Variants in FAM3B observed in about 807,000 individuals in gnomAD.
The protein encoded by FAM3B is FAM3 metabolism regulating signaling molecule B.
FAM3B carries 29 observed loss-of-function variants against 28.4 expected under a neutral mutation model. That is an observed-to-expected ratio of 1.02 (90% CI 0.76 to 1.39). FAM3B has a LOEUF of 1.39. Among genes scored for constraint, FAM3B ranks in the 40% most tolerant of loss-of-function variants. The probability of loss-of-function intolerance (pLI) is 0.00; values close to 1 mark genes in which losing one functional copy is unlikely to be tolerated. For synonymous variants in FAM3B, 91 were observed against 103.0 expected, an observed-to-expected ratio of 0.88 and a Z score of 0.71; for missense variants, 266 against 293.9, an observed-to-expected ratio of 0.91 and a Z score of 0.69.
chr21:41,352,607 A>T (rs1034968294), intron 7 of FAM3B, among the ~76,000 whole-genome samples: 1 of 152,136 alleles, frequency 6.6e-6, no homozygotes, highest in African/African-American at 2.4e-5. Context: ...AGCCTGGCCA[A>T]CATGGTGAAA....
At chr21:41,347,142 C>T (rs754095511) in intron 6 of FAM3B, 42 bp downstream of exon 6, 5 of 1,569,090 alleles carry the variant, frequency 3.2e-6, no homozygotes, top group Non-Finnish European at 4.4e-6. Context: ...GCAAGAGAAG[C>T]CAGCTGGGGC....
chr21:41,357,158 G>A lies in FAM3B; in HGVS notation c.669G>A (p.Glu223=), dbSNP rs778224220. Residue 223 remains glutamate (E), a synonymous_variant, in exon 8 of 8, where the codon GAG becomes GAA. Coordinates refer to ENST00000357985, the MANE Select transcript of FAM3B (RefSeq NM_058186.4). Reference sequence around the variant, plus strand: ...ACAGATATTCTGGCTGGCCTGCAGAGATCCAGATAGAAGGCTGCATACCCA... The same window carrying A: ...ACAGATATTCTGGCTGGCCTGCAGAAATCCAGATAGAAGGCTGCATACCCA... ...KNNRYSGWPA[E]IQIEGCIPKE... The A allele has an allele frequency of 1.2e-6, 2 of 1,613,760 alleles. No individual in the cohort carries two copies. The highest frequency in any genetic ancestry group is 1.7e-5 in the Admixed American group (1 of 59,944).
At chr21:41,337,829 CAT>C (rs1249001125) in intron 2 of FAM3B, among the ~76,000 whole-genome samples, 4 of 150,872 alleles carry the variant, frequency 2.7e-5, no homozygotes, top group Non-Finnish European at 4.4e-5. Context: ...TGTGATACAT[CAT>C]GTGGTGTGTG....
At chr21:41,317,185 G>A (rs1568910432) in intron 1 of FAM3B, among the ~76,000 whole-genome samples, 1 of 152,156 alleles carries the variant, frequency 6.6e-6, no homozygotes, top group South Asian at 2.1e-4. Flanking sequence ...GGAGGAACCT[G>A]GAATGTAACA....
chr21:41,334,087 C>A (rs1246700864), intron 2 of FAM3B, among the ~76,000 whole-genome samples: 1 of 152,174 alleles, frequency 6.6e-6, no homozygotes, highest in Non-Finnish European at 1.5e-5. Context: ...CTGGCTGCTT[C>A]TAATAACCTG....
intron 3 of FAM3B, among the ~76,000 whole-genome samples, chr21:41,341,719 T>C (rs1203597278): frequency 6.6e-6 from 1 of 152,258 alleles, no homozygotes; most frequent in African/African-American, 2.4e-5. Context: ...GTTACAGTTA[T>C]CCATTCTATT....
At chr21:41,316,686 T>C, upstream of FAM3B, 1 of 423,762 alleles carries the variant, frequency 2.4e-6, no homozygotes, top group Non-Finnish European at 4.0e-6. Context: ...CCCGCGCACC[T>C]GCCCCGCCCA....
upstream of FAM3B, among the ~76,000 whole-genome samples, chr21:41,314,292 T>C (rs2088732128): frequency 1.3e-5 from 2 of 152,224 alleles, no homozygotes; most frequent in African/African-American, 4.8e-5. Context: ...CCTTAGACTT[T>C]CCAGACTCCA....
At position 41,336,969 on chromosome 21, in the gene FAM3B, C is replaced by G. The variant is rs574066049; in HGVS notation, c.164-1409C>G. 8.1e-4 allele frequency among the ~76,000 whole-genome samples: 124 copies of G among 152,278 alleles called. 3 individuals carry two copies. In the South Asian group the frequency reaches 0.025, roughly 31 times the overall value. Reference sequence around the variant, plus strand: ...CTTTCAACCTATACATTTTTTAAATCTGTCGAGCTCATCTGTGTCTTTTGA... The same window carrying G: ...CTTTCAACCTATACATTTTTTAAATGTGTCGAGCTCATCTGTGTCTTTTGA... On this transcript the variant is annotated intron_variant, in intron 2 of 7. Coordinates refer to ENST00000357985, the MANE Select transcript of FAM3B (RefSeq NM_058186.4).
intron 3 of FAM3B, among the ~76,000 whole-genome samples, chr21:41,338,984 A>G (rs1208232695): frequency 6.6e-6 from 1 of 152,236 alleles, no homozygotes. Context: ...AAAGTCCTTC[A>G]AAGTCATGGG....
intron 7 of FAM3B, among the ~76,000 whole-genome samples, chr21:41,353,453 G>A (rs7278220): frequency 0.4 from 60,801 of 152,124 alleles, 17,239 homozygotes; most frequent in African/African-American, 0.8. Context: ...GCATAAAGAT[G>A]GGCATACAGA....
intron 1 of FAM3B, among the ~76,000 whole-genome samples, chr21:41,317,663 T>A (rs1010198332): frequency 6.6e-6 from 1 of 152,096 alleles, no homozygotes; most frequent in Non-Finnish European, 1.5e-5. Flanking sequence ...AAATGGCAGG[T>A]TCAGAAGTGG....
chr21:41,329,382 C>A (rs76716490), intron 2 of FAM3B, among the ~76,000 whole-genome samples: 1 of 152,132 alleles, frequency 6.6e-6, no homozygotes, highest in Non-Finnish European at 1.5e-5. Flanking sequence ...CTTTGTCCAG[C>A]ATCTCTGTGC....
chr21:41,336,973 C>T (rs956285349), intron 2 of FAM3B, among the ~76,000 whole-genome samples: 4 of 152,192 alleles, frequency 2.6e-5, no homozygotes, highest in African/African-American at 7.2e-5. Flanking sequence ...TTAAATCTGT[C>T]GAGCTCATCT....
In FAM3B at chr21:41,323,076, G is replaced by A. The variant is rs144493544; in HGVS notation, c.163+10G>A. ...AGGCCTGTCCTCAAAGGTGAGTGCC[G>A]TGCTTGGGGCAGACGGCTGCCTTCA... On this transcript the variant is annotated intron_variant, in intron 2 of 7. Transcript: ENST00000357985. 651 of 1,601,876 alleles carry A rather than the reference G, an allele frequency of 4.1e-4. 3 individuals carry two copies. The African/African-American group carries it at 7.3e-3, about 18-fold the overall frequency.
chr21:41,315,803 G>T (rs2088744342), upstream of FAM3B, among the ~76,000 whole-genome samples: 1 of 152,174 alleles, frequency 6.6e-6, no homozygotes, highest in African/African-American at 2.4e-5. Flanking sequence ...AAAGACAATG[G>T]TGGAGGGAGA....
Position 41,316,832 on chromosome 21 carries a change from T to C in FAM3B, c.-48T>C. 1 of 1,428,992 alleles carries C rather than the reference T, an allele frequency of 7.0e-7. No individual in the cohort carries two copies. The highest frequency in any genetic ancestry group is 9.1e-7 in the Non-Finnish European group (1 of 1,094,488). 88.5% of individuals were successfully genotyped at this position (1,428,992 alleles called of 1,614,324 possible). On this transcript the variant is annotated 5_prime_UTR_variant, in exon 1 of 8. Coordinates refer to ENST00000357985, the MANE Select transcript of FAM3B (RefSeq NM_058186.4). ...GACCCAGGGGCTCCGCTGGCTGCGG[T>C]CGCCTGGGAGCTGCCGCCAGGGCCA...
intron 7 of FAM3B, among the ~76,000 whole-genome samples, chr21:41,355,208 C>G (rs1045452745): frequency 3.9e-5 from 6 of 152,192 alleles, no homozygotes; most frequent in African/African-American, 1.4e-4. Context: ...TTAGAACCCT[C>G]ATGCACTAGT....
intron 2 of FAM3B, among the ~76,000 whole-genome samples, chr21:41,335,136 G>A (rs1010483249): frequency 6.6e-6 from 1 of 152,164 alleles, no homozygotes; most frequent in African/African-American, 2.4e-5. Context: ...GATTTTACAG[G>A]CTTGTAGGTG....
Sources: allele counts gnomAD v4.1 joint callset (sites outside exome capture counted in the v4.1 genomes callset), GRCh38; gene constraint gnomAD v4.1.1; transcripts MANE v1.5; gene names NCBI Gene and HGNC (gene_info 2026-07-23, HGNC 2026-07-21).